The following PPFIA2 variants were observed in gnomAD, a reference collection of about 807,000 sequenced individuals.
PPFIA2 encodes the protein PPFI scaffold protein A2.
In PPFIA2, 46 loss-of-function variants were observed where a neutral mutation model predicts 175.5. The observed-to-expected ratio is 0.26, with a 90% confidence interval of 0.21 to 0.34. The LOEUF (loss-of-function observed/expected upper bound fraction) is 0.34. Among genes scored for constraint, PPFIA2 ranks in the 10% least tolerant of loss-of-function variants. PPFIA2 has a pLI of 1.00. For missense variants in PPFIA2, 1,179 were observed against 1,506.1 expected (o/e 0.78, Z 3.60); for synonymous variants, 568 against 511.4 (o/e 1.11, Z -1.49).
At chr12:81,369,513 C>T in intron 11 of PPFIA2, 1 of 908,930 alleles carries the variant, frequency 1.1e-6, no homozygotes, top group Non-Finnish European at 1.4e-6. Flanking sequence ...CACTGAACTG[C>T]ACAGATGGTT....
At chr12:81,335,514 G>A (rs746974513) in intron 21 of PPFIA2, among the ~76,000 whole-genome samples, 1 of 152,022 alleles carries the variant, frequency 6.6e-6, no homozygotes, top group African/African-American at 2.4e-5. Flanking sequence ...ATGCCAAGGC[G>A]GGCAGATCAC....
intron 8 of PPFIA2, among the ~76,000 whole-genome samples, chr12:81,403,216 G>A (rs902559296): frequency 6.6e-6 from 1 of 152,114 alleles, no homozygotes; most frequent in Non-Finnish European, 1.5e-5. Context: ...TTTCTCCACT[G>A]GCTGAAATGC....
At chr12:81,591,509 C>T (rs911401185) in intron 4 of PPFIA2, among the ~76,000 whole-genome samples, 9 of 152,200 alleles carry the variant, frequency 5.9e-5, no homozygotes, top group Non-Finnish European at 1.2e-4. Context: ...CAGCCCCTCT[C>T]ATCGCAGGCC....
intron 4 of PPFIA2, among the ~76,000 whole-genome samples, chr12:81,462,517 T>G (rs2054757112): frequency 6.9e-6 from 1 of 145,676 alleles, no homozygotes; most frequent in Non-Finnish European, 1.5e-5. Context: ...TCTTACCTTT[T>G]TCACTCATAT....
intron 3 of PPFIA2, among the ~76,000 whole-genome samples, chr12:81,678,258 T>C (rs1178796398): frequency 1.3e-5 from 2 of 151,904 alleles, no homozygotes; most frequent in East Asian, 3.9e-4. Flanking sequence ...ATGCCTATGA[T>C]GAGGAAAAAG....
At chr12:81,676,585 A>T in intron 4 of PPFIA2, 1 of 345,188 alleles carries the variant, frequency 2.9e-6, no homozygotes, top group Non-Finnish European at 5.2e-6. Context: ...ATTGAGATAA[A>T]TTTTTATGAG....
At chr12:81,432,581 T>C (rs898274541) in intron 7 of PPFIA2, among the ~76,000 whole-genome samples, 1 of 150,938 alleles carries the variant, frequency 6.6e-6, no homozygotes, top group Non-Finnish European at 1.5e-5. Context: ...TTCTCCTGCC[T>C]CAGCCTCCTG....
chr12:81,459,043 G>A (rs1029914240), intron 4 of PPFIA2, among the ~76,000 whole-genome samples: 6 of 152,056 alleles, frequency 3.9e-5, no homozygotes, highest in African/African-American at 1.2e-4. Context: ...TTATATTTTT[G>A]TTTGCTTCAA....
chr12:81,381,982 A>C (rs1388184864), intron 9 of PPFIA2, among the ~76,000 whole-genome samples: 1 of 152,076 alleles, frequency 6.6e-6, no homozygotes, highest in Non-Finnish European at 1.5e-5. Context: ...CAAGAAAAAA[A>C]CCCTAGCTCT....
intron 28 of PPFIA2, among the ~76,000 whole-genome samples, chr12:81,272,270 A>G (rs2039337986): frequency 6.6e-6 from 1 of 150,772 alleles, no homozygotes; most frequent in African/African-American, 2.4e-5. Flanking sequence ...TTATCATTTC[A>G]ATTATTTTCT....
At chr12:81,405,282 A>T (rs2042733841) in intron 8 of PPFIA2, among the ~76,000 whole-genome samples, 1 of 152,146 alleles carries the variant, frequency 6.6e-6, no homozygotes, top group African/African-American at 2.4e-5. Flanking sequence ...GGCCTCAAAC[A>T]ATGCAAGAAA....
At chr12:81,658,245 G>T (rs2068097487) in intron 4 of PPFIA2, among the ~76,000 whole-genome samples, 1 of 137,224 alleles carries the variant, frequency 7.3e-6, no homozygotes. Context: ...TCCAGCCTGG[G>T]CAACAAGAGC....
chr12:81,752,125 A>G (rs1009991889), intron 3 of PPFIA2, among the ~76,000 whole-genome samples: 6 of 152,198 alleles, frequency 3.9e-5, no homozygotes, highest in African/African-American at 1.2e-4. Flanking sequence ...CATCTATGCA[A>G]GTCAATTAGA....
chr12:81,744,420 CTTTTT>C (rs1167414059), intron 3 of PPFIA2, among the ~76,000 whole-genome samples: 2 of 118,932 alleles, frequency 1.7e-5, no homozygotes, highest in African/African-American at 6.2e-5. Context: ...GAAATGCTTT[CTTTTT>C]TTTTTTTTTT....
chr12:81,359,842 A>ACTCTGTC, intron 15 of PPFIA2, among the ~76,000 whole-genome samples: 1 of 152,016 alleles, frequency 6.6e-6, no homozygotes, highest in Non-Finnish European at 1.5e-5. Flanking sequence ...AATCATATCA[A>ACTCTGTC]TTTCCTGCTT....
chr12:81,695,754 A>C (rs2075824566), intron 3 of PPFIA2, among the ~76,000 whole-genome samples: 1 of 152,218 alleles, frequency 6.6e-6, no homozygotes, highest in Non-Finnish European at 1.5e-5. Flanking sequence ...TTTCATTAGC[A>C]AACTTTTCTG....
At chr12:81,378,296 G>A (rs932264585) in intron 9 of PPFIA2, 1 of 151,912 alleles carries the variant, frequency 6.6e-6, no homozygotes, top group Non-Finnish European at 1.5e-5. Flanking sequence ...CTGACATCAT[G>A]TCTACCTGGA....
intron 4 of PPFIA2, among the ~76,000 whole-genome samples, chr12:81,573,189 T>A (rs2072885892): frequency 6.6e-6 from 1 of 151,962 alleles, no homozygotes; most frequent in Non-Finnish European, 1.5e-5. Flanking sequence ...TGTGTGTACT[T>A]TCTATAAGCT....
chr12:81,471,424 A>G (rs890312638), intron 4 of PPFIA2: 3 of 150,310 alleles, frequency 2.0e-5, no homozygotes, highest in Non-Finnish European at 4.4e-5. Context: ...TCAGCCTCCC[A>G]AAGTGCTGAG....
Sources: allele counts gnomAD v4.1 joint callset (sites outside exome capture counted in the v4.1 genomes callset), GRCh38; gene constraint gnomAD v4.1.1; transcripts MANE v1.5; gene names NCBI Gene and HGNC (gene_info 2026-07-23, HGNC 2026-07-21).